Variants in NCBP3 observed in about 807,000 individuals in gnomAD.
NCBP3 encodes nuclear cap-binding protein subunit 3.
Under a neutral mutation model 75.7 loss-of-function variants are expected in NCBP3, and 20 were observed. That is an observed-to-expected ratio of 0.26 (90% confidence interval 0.19 to 0.38). The LOEUF is 0.38. NCBP3 is among the 10% of genes least tolerant of loss of function. NCBP3 has a pLI of 1.00. For missense variants in NCBP3, 678 were observed against 796.9 expected, an observed-to-expected ratio of 0.85 and a Z score of 1.80; for synonymous variants, 293 against 290.5, an observed-to-expected ratio of 1.01 and a Z score of -0.09.
chr17:3,815,085 C>T (rs2053504569), intron 11 of NCBP3, among the ~76,000 whole-genome samples: 1 of 152,184 alleles, frequency 6.6e-6, no homozygotes, highest in African/African-American at 2.4e-5. Context: ...GAGACCTGAG[C>T]TCCTTTCCTC....
intron 2 of NCBP3, among the ~76,000 whole-genome samples, chr17:3,840,958 T>C (rs1228376291): frequency 6.6e-6 from 1 of 152,226 alleles, no homozygotes; most frequent in East Asian, 1.9e-4. Context: ...GGGTTTCTGA[T>C]GGCTCTTAGG....
intron 9 of NCBP3, among the ~76,000 whole-genome samples, chr17:3,819,782 A>T (rs777749055): frequency 6.6e-6 from 1 of 152,216 alleles, no homozygotes; most frequent in Non-Finnish European, 1.5e-5. Context: ...ACTATTTATT[A>T]TGAAAACAAA....
intron 3 of NCBP3, among the ~76,000 whole-genome samples, chr17:3,838,061 G>A (rs965667548): frequency 2.0e-5 from 3 of 152,076 alleles, no homozygotes; most frequent in Non-Finnish European, 2.9e-5. Context: ...CCATTTTACA[G>A]ACAAGGAGAC....
chr17:3,823,275 G>A (rs1171693295), intron 7 of NCBP3, among the ~76,000 whole-genome samples: 1 of 152,050 alleles, frequency 6.6e-6, no homozygotes, highest in Non-Finnish European at 1.5e-5. Flanking sequence ...TTGCAGGGAG[G>A]CAGCGGTTGC....
intron 3 of NCBP3, among the ~76,000 whole-genome samples, chr17:3,834,200 C>T (rs545865283): frequency 1.5e-4 from 23 of 152,168 alleles, no homozygotes; most frequent in Admixed American, 5.2e-4. Flanking sequence ...CAAATCTGAA[C>T]GACTAATGCC....
In NCBP3 at chr17:3,839,317, A is replaced by G. The variant is rs1410217402; in HGVS notation, c.355+783T>C. On this transcript the variant is annotated intron_variant, in intron 3 of 12. Transcript: ENST00000389005. ...ACAACAGGATGTTACTGAGTGGTTT[A>G]CATATATCAGATATTCAGATTATCA... Among the ~76,000 whole-genome samples, 4 of 152,168 alleles carry G rather than the reference A, an allele frequency of 2.6e-5. No homozygotes were observed. The East Asian group carries it at 7.7e-4, about 29-fold the overall frequency.
intron 9 of NCBP3, among the ~76,000 whole-genome samples, chr17:3,819,044 T>C (rs1437409473): frequency 6.6e-6 from 1 of 152,158 alleles, no homozygotes; most frequent in Non-Finnish European, 1.5e-5. Context: ...GTGGCACATT[T>C]TTCACACTTC....
At chr17:3,837,733 C>CAA (rs370179376) in intron 3 of NCBP3, among the ~76,000 whole-genome samples, 1,742 of 87,348 alleles carry the variant, frequency 0.02, 32 homozygotes, top group African/African-American at 0.072. Context: ...GCCTCTGTCT[C>CAA]AAAAAAAAAA....
rs1444450045 is a variant in NCBP3 at position 3,825,862 on chromosome 17, G to C, written c.611-19C>G. The C allele has an allele frequency of 6.5e-7, 1 of 1,537,304 alleles. No individual in the cohort carries two copies. The highest frequency in any genetic ancestry group is 1.4e-5 in the African/African-American group (1 of 72,666). ...TGCTTGTCTAAAATGGAATGTGAAGGACAAGATGAAACAAGATAAAATATT... is the reference window on the plus strand; with the variant it reads ...TGCTTGTCTAAAATGGAATGTGAAGCACAAGATGAAACAAGATAAAATATT... On this transcript the variant is annotated intron_variant, in intron 5 of 12. Coordinates refer to ENST00000389005, the MANE Select transcript of NCBP3 (RefSeq NM_001114118.3).
intron 7 of NCBP3, 168 bp from the exon 8 acceptor site, chr17:3,822,220 C>T (rs1489439018): frequency 1.7e-6 from 1 of 595,170 alleles, no homozygotes; most frequent in East Asian, 2.8e-5. Flanking sequence ...TACAGCAATG[C>T]AGTGTAGAGG....
chr17:3,835,543 T>C (rs1017798016), intron 3 of NCBP3, among the ~76,000 whole-genome samples: 2 of 152,256 alleles, frequency 1.3e-5, no homozygotes, highest in African/African-American at 4.8e-5. Flanking sequence ...TGAAAGGACT[T>C]CACAGTCACA....
chr17:3,832,519 T>C (rs1431590874), intron 3 of NCBP3, among the ~76,000 whole-genome samples: 1 of 122,718 alleles, frequency 8.1e-6, no homozygotes, highest in African/African-American at 2.5e-5. Context: ...TAGTCCCAGC[T>C]ACTCGGGAGG....
intron 7 of NCBP3, among the ~76,000 whole-genome samples, chr17:3,823,545 G>A (rs771400027): frequency 1.3e-5 from 2 of 152,092 alleles, no homozygotes; most frequent in Non-Finnish European, 1.5e-5. Flanking sequence ...GGCTATTTAC[G>A]TGATCTCAAA....
At position 3,802,954 on chromosome 17, in the gene NCBP3, T is replaced by A. The variant is rs2053289982; in HGVS notation, c.*10090A>T. Reference sequence around the variant, plus strand: ...AGAATGCGGACTCATCCTGCATCCATCCAGTATGTATTTATCCAAGCGTCA... The same window carrying A: ...AGAATGCGGACTCATCCTGCATCCAACCAGTATGTATTTATCCAAGCGTCA... On this transcript the variant is annotated 3_prime_UTR_variant, in exon 13 of 13. Coordinates refer to ENST00000389005, the MANE Select transcript of NCBP3 (RefSeq NM_001114118.3). 1 of 152,218 alleles carries A rather than the reference T, an allele frequency of 6.6e-6. No homozygotes were observed. Among genetic ancestry groups the A allele is most frequent in the South Asian group, 2.1e-4 (1 of 4,828 alleles). The allele number at this position is 152,218 out of a possible 1,614,324, so 9.4% of individuals were successfully genotyped here. A position where few individuals can be genotyped will look rare whatever the true frequency, so the allele number is the denominator to read the frequency against.
At chr17:3,814,065 C>T (rs2053478304) in intron 12 of NCBP3, among the ~76,000 whole-genome samples, 1 of 152,310 alleles carries the variant, frequency 6.6e-6, no homozygotes, top group Middle Eastern at 3.4e-3. Context: ...ACCAGAATAG[C>T]TCACATGAAA....
In NCBP3 at chr17:3,821,335, G is replaced by A. The variant is rs1668621832; in HGVS notation, c.914C>T (p.Ser305Phe). The A allele has an allele frequency of 6.2e-7, 1 of 1,613,754 alleles. No homozygotes were observed. Among genetic ancestry groups the A allele is most frequent in the South Asian group, 1.1e-5 (1 of 91,074 alleles). Residue 305 changes from serine (S) to phenylalanine (F), a missense_variant, in exon 9 of 13, where the codon TCC (serine) becomes TTC (phenylalanine). Coordinates refer to ENST00000389005, the MANE Select transcript of NCBP3 (RefSeq NM_001114118.3). ...GATCACGTCCCGCTGAATACGACGG[G>A]AATGATATCTTCGCTTCCTGCAAGA... is the stretch of plus-strand genomic sequence containing the variant. ...LSNSWKRRYH[S>F]RRIQRDVIKK...
chr17:3,842,558 C>A (rs1265977275), intron 2 of NCBP3, among the ~76,000 whole-genome samples: 1 of 152,188 alleles, frequency 6.6e-6, no homozygotes, highest in Non-Finnish European at 1.5e-5. Flanking sequence ...TTCTTGGAAA[C>A]GGTTCAACAC....
At chr17:3,835,715 G>A (rs1412863675) in intron 3 of NCBP3, among the ~76,000 whole-genome samples, 1 of 152,254 alleles carries the variant, frequency 6.6e-6, no homozygotes, top group African/African-American at 2.4e-5. Flanking sequence ...GGCCTGCAGG[G>A]TTGGGCACAA....
chr17:3,821,348 G>T lies in NCBP3; in HGVS notation c.901C>A (p.Arg301=). 10 of 1,612,830 alleles carry T rather than the reference G, an allele frequency of 6.2e-6. No homozygotes were observed. The highest frequency in any genetic ancestry group is 7.6e-6 in the Non-Finnish European group (9 of 1,179,048). ...MKGILSNSWK[R]RYHSRRIQRD... is the part of the protein sequence containing the mutation. Reference sequence around the variant, plus strand: ...TGAATACGACGGGAATGATATCTTCGCTTCCTGCAAGAATGCCAAAATAAG... The same window carrying T: ...TGAATACGACGGGAATGATATCTTCTCTTCCTGCAAGAATGCCAAAATAAG... Residue 301 remains arginine, a synonymous_variant, in exon 9 of 13, where the codon CGA becomes AGA. Coordinates refer to ENST00000389005, the MANE Select transcript of NCBP3 (RefSeq NM_001114118.3).
Sources: gnomAD v4.1 joint callset for allele counts (sites outside exome capture counted in the v4.1 genomes callset) on GRCh38, gnomAD v4.1.1 for gene constraint, MANE v1.5 for transcripts, NCBI Gene and HGNC (gene_info 2026-07-23, HGNC 2026-07-21) for gene names.